Variants in TANK observed in about 807,000 individuals in gnomAD.
TANK encodes the protein TRAF family member associated NFKB activator.
A neutral mutation model predicts 43.6 loss-of-function variants in TANK; 15 were observed. The ratio of observed to expected loss-of-function variants is 0.34; its 90% CI spans 0.23 to 0.53. TANK has a LOEUF of 0.53. Ranked by LOEUF, TANK falls within the 20% of genes least tolerant of loss-of-function variation. The pLI is 0.94. For missense variants in TANK, 417 were observed against 498.6 expected, an observed-to-expected ratio of 0.84 and a Z score of 1.56; for synonymous variants, 162 against 178.2, an observed-to-expected ratio of 0.91 and a Z score of 0.73.
chr2:161,183,112 T>C (rs1425302143), intron 2 of TANK, among the ~76,000 whole-genome samples: 1 of 152,184 alleles, frequency 6.6e-6, no homozygotes, highest in African/African-American at 2.4e-5. Context: ...AGCTACACAA[T>C]TTCCTTCTCC....
At chr2:161,193,963 C>T (rs1178611707) in intron 2 of TANK, among the ~76,000 whole-genome samples, 2 of 152,064 alleles carry the variant, frequency 1.3e-5, no homozygotes, top group Non-Finnish European at 2.9e-5. Flanking sequence ...GCCAAAATTG[C>T]CTGGAGAGTT....
intron 2 of TANK, chr2:161,201,055 C>T: frequency 1.0e-6 from 1 of 965,524 alleles, no homozygotes. Context: ...GACAATTAGA[C>T]TAGAATATTA....
chr2:161,162,662 A>G (rs769443283), intron 1 of TANK: 9 of 152,124 alleles, frequency 5.9e-5, no homozygotes, highest in Admixed American at 1.3e-4. Context: ...AATATCTAAT[A>G]AATTATATTT....
chr2:161,158,449 A>G (rs957872308), upstream of TANK, among the ~76,000 whole-genome samples: 14 of 152,272 alleles, frequency 9.2e-5, no homozygotes, highest in Non-Finnish European at 4.4e-5. Context: ...GCATTTATGC[A>G]TATTTCACAT....
In TANK at chr2:161,235,353, G is replaced by A. The variant is rs751864038; in HGVS notation, c.1113G>A (p.Lys371=). Residue 371 remains lysine (K), a synonymous_variant, in exon 8 of 8, where the codon AAG becomes AAA. Transcript: ENST00000392749. ...TTTGTTTCCTGCAGCCCATTTGGAA[G>A]CCCTTTCCTAATCAAGACAGTGACT... ...AIRGPQQPIW[K]PFPNQDSDSV... 3 of 1,594,656 alleles carry A rather than the reference G, an allele frequency of 1.9e-6. No homozygotes were observed. Among genetic ancestry groups the A allele is most frequent in the Non-Finnish European group, 2.6e-6 (3 of 1,170,962 alleles).
At position 161,231,311 on chromosome 2, in the gene TANK, A is replaced by G; in HGVS notation, c.861A>G (p.Leu287=). 1.2e-6 allele frequency: 2 copies of G among 1,614,182 alleles called. No individual in the cohort carries two copies. The highest frequency in any genetic ancestry group is 1.7e-6 in the Non-Finnish European group (2 of 1,180,016). ...ACTTTGTTAAAACAGAAGAAACTTT[A>G]TTTGAAATTCAGGGAATTGACCCCA... is the stretch of plus-strand genomic sequence containing the variant. The part of the protein sequence containing the change: ...PGNFVKTEET[L]FEIQGIDPIA... The change falls in exon 7 of 8, where the codon TTA becomes TTG. Residue 287 remains leucine (L), a synonymous_variant. Transcript: ENST00000392749.
At chr2:161,190,286 T>G (rs1685854669) in intron 2 of TANK, among the ~76,000 whole-genome samples, 1 of 152,142 alleles carries the variant, frequency 6.6e-6, no homozygotes, top group Admixed American at 6.5e-5. Context: ...GTGGCTGTTA[T>G]TCAAAAAAGC....
At chr2:161,205,258 G>A (rs1280536963) in intron 4 of TANK, among the ~76,000 whole-genome samples, 2 of 152,124 alleles carry the variant, frequency 1.3e-5, no homozygotes, top group African/African-American at 2.4e-5. Context: ...CAAGGCTGCT[G>A]CAGTGACCCA....
upstream of TANK, among the ~76,000 whole-genome samples, chr2:161,158,439 G>T (rs1428952961): frequency 6.6e-6 from 1 of 152,122 alleles, no homozygotes; most frequent in Non-Finnish European, 1.5e-5. Flanking sequence ...AATTCTACCA[G>T]CATTTATGCA....
chr2:161,212,229 T>A, intron 4 of TANK: 1 of 370,508 alleles, frequency 2.7e-6, no homozygotes. Flanking sequence ...CCTGGCTAAT[T>A]TTTGTATTTT....
At chr2:161,227,904 A>C (rs1687712234) in intron 6 of TANK, among the ~76,000 whole-genome samples, 1 of 152,230 alleles carries the variant, frequency 6.6e-6, no homozygotes, top group Admixed American at 6.5e-5. Flanking sequence ...TCAGAGGCTA[A>C]AGAAATCCAG....
chr2:161,217,233 T>G (rs1172858779), intron 4 of TANK, among the ~76,000 whole-genome samples: 1 of 152,188 alleles, frequency 6.6e-6, no homozygotes, highest in Non-Finnish European at 1.5e-5. Flanking sequence ...ATTCAATCCT[T>G]AGAGCTTTAG....
chr2:161,172,843 CTT>C (rs1407345110), intron 1 of TANK, among the ~76,000 whole-genome samples: 1 of 152,272 alleles, frequency 6.6e-6, no homozygotes, highest in Admixed American at 6.5e-5. Flanking sequence ...TGAAATGCCT[CTT>C]GAATCCACTC....
intron 2 of TANK, among the ~76,000 whole-genome samples, chr2:161,190,718 ATTAAAT>A (rs1685876392): frequency 6.6e-6 from 1 of 152,192 alleles, no homozygotes; most frequent in Non-Finnish European, 1.5e-5. Context: ...ATATTGTATG[ATTAAAT>A]TTATGTGAGA....
chr2:161,202,247 T>C (rs1417228066), intron 2 of TANK, among the ~76,000 whole-genome samples: 1 of 144,022 alleles, frequency 6.9e-6, no homozygotes, highest in African/African-American at 2.6e-5. Context: ...TGGAGTGCAG[T>C]GGTGTGATCT....
At chr2:161,231,984 A>G (rs1574077481) in intron 7 of TANK, among the ~76,000 whole-genome samples, 1 of 152,198 alleles carries the variant, frequency 6.6e-6, no homozygotes, top group African/African-American at 2.4e-5. Context: ...TTACATTTCT[A>G]TTTATCAAAA....
chr2:161,160,560 C>A, intron 1 of TANK, 74 bp downstream of exon 1: 1 of 1,164,252 alleles, frequency 8.6e-7, no homozygotes, highest in Non-Finnish European at 1.1e-6. Context: ...TATGCGTGAG[C>A]GAGAGGGACG....
At chr2:161,219,705 C>G (rs765849806) in intron 4 of TANK, 19 of 437,912 alleles carry the variant, frequency 4.3e-5, no homozygotes, top group South Asian at 3.1e-4. Flanking sequence ...GCCCTTTTTT[C>G]ACTTTCTCCC....
intron 1 of TANK, among the ~76,000 whole-genome samples, chr2:161,146,797 G>A (rs533954049): frequency 1.2e-4 from 18 of 152,200 alleles, no homozygotes; most frequent in Admixed American, 5.9e-4. Context: ...GTCTCACCCA[G>A]TTGGGTGGCA....
Sources: gnomAD v4.1 joint callset for allele counts (sites outside exome capture counted in the v4.1 genomes callset) on GRCh38, gnomAD v4.1.1 for gene constraint, MANE v1.5 for transcripts, NCBI Gene and HGNC (gene_info 2026-07-23, HGNC 2026-07-21) for gene names.